Variants in CDKL5 observed in about 807,000 individuals in gnomAD.
The protein encoded by CDKL5 is cyclin dependent kinase like 5.
CDKL5 carries 8 observed loss-of-function variants against 61.7 expected under a neutral mutation model. The ratio of observed to expected loss-of-function variants is 0.13; its 90% CI spans 0.08 to 0.23. The LOEUF is 0.23. CDKL5 is among the 10% of genes least tolerant of loss of function. The pLI, the probability that CDKL5 is intolerant of heterozygous loss-of-function variation, is 1.00. For missense variants in CDKL5, 440 were observed against 734.5 expected, an observed-to-expected ratio of 0.60 and a Z score of 4.63; for synonymous variants, 275 against 272.3, an observed-to-expected ratio of 1.01 and a Z score of -0.10.
intron 1 of CDKL5, among the ~76,000 whole-genome samples, chrX:18,439,395 G>T (rs932641912): frequency 1.1e-5 from 1 of 94,408 alleles, no homozygotes; most frequent in Non-Finnish European, 2.1e-5. Flanking sequence ...TCCATAATAG[G>T]TGTGTGTGTG....
At chrX:18,586,133 A>G (rs1317315084) in intron 8 of CDKL5, among the ~76,000 whole-genome samples, 1 of 111,844 alleles carries the variant, frequency 8.9e-6, no homozygotes, top group South Asian at 3.7e-4. Flanking sequence ...AAAAACAAAG[A>G]TGCTTAGTCA....
intron 3 of CDKL5, among the ~76,000 whole-genome samples, chrX:18,550,715 TCA>T (rs1924354539): frequency 8.9e-6 from 1 of 112,837 alleles, no homozygotes; most frequent in African/African-American, 3.2e-5. Context: ...CATCTTGGTC[TCA>T]GTTACTTGAT....
intron 10 of CDKL5, among the ~76,000 whole-genome samples, 171 bp downstream of exon 10, chrX:18,595,599 T>A (rs1343118875): frequency 8.9e-6 from 1 of 112,099 alleles, no homozygotes; most frequent in Non-Finnish European, 1.9e-5. Flanking sequence ...AAAATTACAA[T>A]GGGATCTGGT....
intron 14 of CDKL5, among the ~76,000 whole-genome samples, chrX:18,612,666 A>G (rs1301950553): frequency 9.3e-6 from 1 of 107,917 alleles, no homozygotes; most frequent in Non-Finnish European, 1.9e-5. Context: ...AAAAAAAAAA[A>G]AAGAGAGAGA....
chrX:18,544,300 T>A (rs1046334792), intron 3 of CDKL5, among the ~76,000 whole-genome samples: 5 of 112,300 alleles, frequency 4.5e-5, no homozygotes, highest in African/African-American at 1.6e-4. Flanking sequence ...CCCCATGATC[T>A]CTGAGTTCCT....
At chrX:18,468,134 C>T (rs1312416680) in intron 1 of CDKL5, among the ~76,000 whole-genome samples, 1 of 110,885 alleles carries the variant, frequency 9.0e-6, no homozygotes, top group African/African-American at 3.3e-5. Context: ...GATTATATTT[C>T]AATTCAGTAT....
At chrX:18,563,279 A>G (rs772577390) in intron 3 of CDKL5, among the ~76,000 whole-genome samples, 2 of 111,796 alleles carry the variant, frequency 1.8e-5, no homozygotes, top group African/African-American at 3.2e-5. Flanking sequence ...CATGATATCA[A>G]TGTATTATGG....
intron 1 of CDKL5, among the ~76,000 whole-genome samples, chrX:18,444,723 G>A (rs888091462): frequency 1.7e-4 from 19 of 111,830 alleles, no homozygotes; most frequent in Admixed American, 1.5e-3. Context: ...CATTTTCTTT[G>A]GACATTTAAA....
At chrX:18,642,359 A>G (rs764699036), downstream of CDKL5, among the ~76,000 whole-genome samples, 4 of 111,865 alleles carry the variant, frequency 3.6e-5, no homozygotes, top group Admixed American at 9.5e-5. Context: ...GCACCATCCA[A>G]TAGGGTGGCC....
chrX:18,504,698 G>C (rs886462143), intron 1 of CDKL5, among the ~76,000 whole-genome samples: 2 of 110,770 alleles, frequency 1.8e-5, no homozygotes, highest in Middle Eastern at 4.2e-3. Flanking sequence ...TTGGGAGGCC[G>C]AGACGGGCGG....
chrX:18,429,140 G>C (rs1262607287), intron 1 of CDKL5, among the ~76,000 whole-genome samples: 1 of 110,971 alleles, frequency 9.0e-6, no homozygotes, highest in Non-Finnish European at 1.9e-5. Context: ...GAAAGCTGAG[G>C]GTAAGGACCT....
chrX:18,629,170 C>T lies in CDKL5; in HGVS notation c.*413C>T. On this transcript the variant is annotated 3_prime_UTR_variant, in exon 18 of 18. Transcript: ENST00000623535. Reference sequence around the variant, plus strand: ...TGCCCTTACTACATATTTTTTTCTGCCTAGAGTAAATGTGGGGTTTATTGT... The same window carrying T: ...TGCCCTTACTACATATTTTTTTCTGTCTAGAGTAAATGTGGGGTTTATTGT... 6.6e-6 allele frequency: 5 copies of T among 763,063 alleles called. No individual in the cohort carries two copies. The highest frequency in any genetic ancestry group is 7.8e-6 in the Non-Finnish European group (5 of 644,724). The allele number at this position is 763,063 out of a possible 1,213,427, so 62.9% of individuals were successfully genotyped here. A position where few individuals can be genotyped will look rare whatever the true frequency, so the allele number is the denominator to read the frequency against.
At chrX:18,510,890 A>T in intron 3 of CDKL5, 36 bp downstream of exon 3, 1 of 1,020,168 alleles carries the variant, frequency 9.8e-7, no homozygotes, top group Non-Finnish European at 1.4e-6. Context: ...ATATCTGTAT[A>T]TGTTTAACTG....
chrX:18,463,742 G>T (rs769317914), intron 1 of CDKL5, among the ~76,000 whole-genome samples: 34 of 112,069 alleles, frequency 3.0e-4, no homozygotes, highest in Non-Finnish European at 5.1e-4. Context: ...GAGAAGAACT[G>T]CAACTAAGAA....
At chrX:18,567,499 A>T (rs928913931) in intron 4 of CDKL5, among the ~76,000 whole-genome samples, 1 of 111,968 alleles carries the variant, frequency 8.9e-6, no homozygotes, top group African/African-American at 3.2e-5. Context: ...GGTCTGAGCC[A>T]TGTTCAAGGT....
At chrX:18,445,806 A>C (rs1431836011) in intron 1 of CDKL5, among the ~76,000 whole-genome samples, 1 of 111,002 alleles carries the variant, frequency 9.0e-6, no homozygotes, top group Non-Finnish European at 1.9e-5. Flanking sequence ...GGGTCAATTC[A>C]ACCTTTTTCC....
intron 1 of CDKL5, among the ~76,000 whole-genome samples, chrX:18,490,667 ATTAT>A (rs762413332): frequency 5.3e-4 from 59 of 111,482 alleles, no homozygotes; most frequent in African/African-American, 1.7e-3. Flanking sequence ...TTAAATTGTT[ATTAT>A]TTATTAGTCA....
At chrX:18,609,722 C>T in intron 14 of CDKL5, 152 bp downstream of exon 14, 1 of 1,008,298 alleles carries the variant, frequency 9.9e-7, no homozygotes, top group South Asian at 2.4e-5. Flanking sequence ...TAAGTCAGGC[C>T]CTCCTGGCTT....
chrX:18,589,402 G>C (rs1361157257), intron 9 of CDKL5: 1 of 109,855 alleles, frequency 9.1e-6, no homozygotes, highest in African/African-American at 3.3e-5. Flanking sequence ...TTGGTTTTCT[G>C]TCCTTGGGAT....
Sources: gnomAD v4.1 joint callset for allele counts (sites outside exome capture counted in the v4.1 genomes callset) on GRCh38, gnomAD v4.1.1 for gene constraint, MANE v1.5 for transcripts, NCBI Gene and HGNC (gene_info 2026-07-23, HGNC 2026-07-21) for gene names.